The following TTC7A variants were observed in gnomAD, a reference collection of about 807,000 sequenced individuals.
TTC7A encodes tetratricopeptide repeat protein 7A.
A neutral mutation model predicts 103.7 loss-of-function variants in TTC7A; 110 were observed. The ratio of observed to expected loss-of-function variants is 1.06; its 90% CI spans 0.91 to 1.24. TTC7A has a LOEUF of 1.24. Ranked by LOEUF, TTC7A falls within the 50% of genes most tolerant of loss-of-function variation. TTC7A has a pLI of 0.00. For synonymous variants in TTC7A, 521 were observed against 467.9 expected (o/e 1.11, Z -1.47); for missense variants, 1,340 against 1,116.3 (o/e 1.20, Z -2.86).
intron 18 of TTC7A, among the ~76,000 whole-genome samples, chr2:47,055,541 T>TC (rs1418721050): frequency 2.0e-5 from 3 of 152,102 alleles, no homozygotes; most frequent in Non-Finnish European, 2.9e-5. Context: ...AGAGGTGCTT[T>TC]CCCTAAAAGC....
intron 8 of TTC7A, among the ~76,000 whole-genome samples, chr2:47,003,475 A>T (rs565245860): frequency 9.9e-4 from 151 of 152,292 alleles, no homozygotes; most frequent in African/African-American, 3.5e-3. Context: ...AAGGGGTTCC[A>T]TGTCACTGGA....
chr2:46,957,622 T>A (rs564064364), intron 3 of TTC7A, among the ~76,000 whole-genome samples: 1 of 152,214 alleles, frequency 6.6e-6, no homozygotes, highest in Admixed American at 6.5e-5. Flanking sequence ...GGGACATGGG[T>A]CAGTGATGTA....
rs185014694 is a variant in TTC7A, at chr2:46,916,747, A to C, written c.-13+170A>C. 1.8e-4 allele frequency among the ~76,000 whole-genome samples: 27 copies of C among 151,974 alleles called. 1 individual carries two copies. Among genetic ancestry groups the C allele is most frequent in the African/African-American group, 6.0e-4 (25 of 41,446 alleles). Reference sequence around the variant, plus strand: ...CCTCCCAGGTTCAAGCTCTTCTCCTACCTCAGCCTCCCGAGTAGCTGGGAT... The same window carrying C: ...CCTCCCAGGTTCAAGCTCTTCTCCTCCCTCAGCCTCCCGAGTAGCTGGGAT... On this transcript the variant is annotated intron_variant, in intron 1 of 20. Transcript: ENST00000409245.
At chr2:47,025,522 C>T (rs535721029) in intron 14 of TTC7A, among the ~76,000 whole-genome samples, 4 of 152,294 alleles carry the variant, frequency 2.6e-5, no homozygotes, top group South Asian at 2.1e-4. Flanking sequence ...CTCCTCCTCT[C>T]GTCACAGTTA....
chr2:47,039,418 G>A (rs1474885126), intron 15 of TTC7A, among the ~76,000 whole-genome samples: 1 of 152,196 alleles, frequency 6.6e-6, no homozygotes, highest in Non-Finnish European at 1.5e-5. Flanking sequence ...GCTGGGGTGA[G>A]CAGCCAGGGA....
intron 3 of TTC7A, 100 bp from the exon 4 acceptor site, chr2:46,974,873 T>C: frequency 6.7e-7 from 1 of 1,503,196 alleles, no homozygotes; most frequent in Non-Finnish European, 9.0e-7. Flanking sequence ...TGCACCAGAG[T>C]GTCTGCCCCC....
chr2:46,941,724 C>T lies in TTC7A; in HGVS notation c.183C>T (p.Thr61=). The stretch of plus-strand genomic sequence containing the variant: ...GCGCAGCGTTCACCTTTCCGGACAC[C>T]GGTGAGTAAGGGAAGAGGCTGGCTC... ...SPSAAFTFPD[T]DDFGKLLLAE... Residue 61 remains threonine, a splice_region_variant and synonymous_variant, in exon 1 of 20, where the codon ACC becomes ACT. Transcript: ENST00000319190. This position sits in a 1 kb window ranked among gnomAD's most constrained non-coding sequence, Gnocchi z 4.2. 6.5e-7 allele frequency: 1 copy of T among 1,549,826 alleles called. No homozygotes were observed. Among genetic ancestry groups the T allele is most frequent in the Non-Finnish European group, 8.7e-7 (1 of 1,146,920 alleles).
chr2:47,065,571 C>T (rs1684118913), intron 19 of TTC7A, among the ~76,000 whole-genome samples: 1 of 152,126 alleles, frequency 6.6e-6, no homozygotes, highest in Admixed American at 6.6e-5. Flanking sequence ...GGAGGAACAC[C>T]CTTATAAATT....
chr2:46,925,986 A>C (rs1669362551), intron 2 of TTC7A, among the ~76,000 whole-genome samples: 1 of 152,196 alleles, frequency 6.6e-6, no homozygotes, highest in African/African-American at 2.4e-5. Context: ...ATCAGACTTA[A>C]CCTGGAAAGT....
rs1558531707 is a variant in TTC7A at position 46,978,859 on chromosome 2, T to A, written c.716T>A (p.Phe239Tyr). 1 of 1,614,082 alleles carries A rather than the reference T, an allele frequency of 6.2e-7. No homozygotes were observed. Among genetic ancestry groups the A allele is most frequent in the Non-Finnish European group, 8.5e-7 (1 of 1,179,988 alleles). The change falls in exon 5 of 20, where the codon TTC becomes TAC. Residue 239 changes from phenylalanine (F) to tyrosine (Y), a missense_variant. Physicochemically the swap from Phe to Tyr is conservative, Grantham distance 22. Coordinates refer to ENST00000319190, the MANE Select transcript of TTC7A (RefSeq NM_020458.4). ...CHPLDYELTYFLEAALQSAYV... is the reference protein window; with the variant it reads ...CHPLDYELTYYLEAALQSAYV... ...CCGCTTGACTATGAGCTCACCTACTTCCTGGAAGCTGCCCTCCAGAGCGCC... is the reference window on the plus strand; with the variant it reads ...CCGCTTGACTATGAGCTCACCTACTACCTGGAAGCTGCCCTCCAGAGCGCC...
chr2:46,964,613 C>G (rs760010917), intron 3 of TTC7A, among the ~76,000 whole-genome samples: 6 of 152,114 alleles, frequency 3.9e-5, no homozygotes, highest in Non-Finnish European at 8.8e-5. Context: ...TAGGATGAAG[C>G]CTTTGTGGAT....
At chr2:47,048,888 C>G (rs371414288) in intron 16 of TTC7A, among the ~76,000 whole-genome samples, 35 of 152,306 alleles carry the variant, frequency 2.3e-4, no homozygotes, top group African/African-American at 8.2e-4. Flanking sequence ...TGGGCATGAG[C>G]CTCCATGCCT....
At chr2:47,012,770 C>T (rs538660707) in intron 11 of TTC7A, among the ~76,000 whole-genome samples, 1 of 152,182 alleles carries the variant, frequency 6.6e-6, no homozygotes, top group South Asian at 2.1e-4. Context: ...AGTCAGTCCT[C>T]CCAAGCACAA....
intron 6 of TTC7A, 104 bp downstream of exon 6, chr2:46,993,632 C>A (rs1558549755): frequency 9.7e-7 from 1 of 1,027,776 alleles, no homozygotes; most frequent in Non-Finnish European, 1.5e-6. Context: ...GGCAGTAGGT[C>A]TCCTGCCTGC....
At chr2:46,981,464 GA>G (rs1455201289) in intron 5 of TTC7A, among the ~76,000 whole-genome samples, 3 of 152,104 alleles carry the variant, frequency 2.0e-5, no homozygotes, top group African/African-American at 7.2e-5. Flanking sequence ...GGGGGCAGGC[GA>G]AATGGGAGGA....
At chr2:46,954,152 C>G (rs993320226) in intron 2 of TTC7A, among the ~76,000 whole-genome samples, 1 of 152,134 alleles carries the variant, frequency 6.6e-6, no homozygotes. Context: ...TTATAGTTCC[C>G]ACGTTAGTCT....
At chr2:46,934,716 C>T (rs190467587) in intron 2 of TTC7A, among the ~76,000 whole-genome samples, 1 of 150,174 alleles carries the variant, frequency 6.7e-6, no homozygotes, top group Admixed American at 6.6e-5. Context: ...AAAAAACCCG[C>T]ACTTCAAAAC....
chr2:46,970,874 G>A (rs1286331447), intron 3 of TTC7A, among the ~76,000 whole-genome samples: 1 of 152,204 alleles, frequency 6.6e-6, no homozygotes, highest in Non-Finnish European at 1.5e-5. Context: ...CTGGGTCTTT[G>A]TGTTGAGCAA....
At chr2:46,958,701 C>G (rs1672115085) in intron 3 of TTC7A, 1 of 459,038 alleles carries the variant, frequency 2.2e-6, no homozygotes, top group South Asian at 2.0e-5. Context: ...CGCCTGCTGC[C>G]CGGCATGCTG....
Sources: allele counts gnomAD v4.1 joint callset (sites outside exome capture counted in the v4.1 genomes callset), GRCh38; gene constraint gnomAD v4.1.1; non-coding constraint Gnocchi (gnomAD v3.1); transcripts MANE v1.5; gene names NCBI Gene and HGNC (gene_info 2026-07-23, HGNC 2026-07-21).